The following TMIGD2 variants were observed in gnomAD, a reference collection of about 807,000 sequenced individuals.
TMIGD2 encodes the protein transmembrane and immunoglobulin domain-containing protein 2.
TMIGD2 carries 18 observed loss-of-function variants against 22.6 expected under a neutral mutation model. That is an observed-to-expected ratio of 0.80 (90% CI 0.55 to 1.18). The LOEUF (loss-of-function observed/expected upper bound fraction) is 1.18, where lower values mean the gene tolerates loss of function less well. Among genes scored for constraint, TMIGD2 ranks in the 50% most tolerant of loss-of-function variants. The probability of loss-of-function intolerance (pLI) is 0.00; values close to 1 mark genes in which losing one functional copy is unlikely to be tolerated. For missense variants in TMIGD2, 361 were observed against 378.2 expected, an observed-to-expected ratio of 0.95 and a Z score of 0.38; for synonymous variants, 184 against 154.1, an observed-to-expected ratio of 1.19 and a Z score of -1.44.
chr19:4,294,288 C>T (rs1971427401), intron 4 of TMIGD2, among the ~76,000 whole-genome samples: 1 of 152,096 alleles, frequency 6.6e-6, no homozygotes. Context: ...AGGCTGACCT[C>T]AGGTGATTCG....
exon 4 of TMIGD2, chr19:4,294,670 G>C: frequency 6.3e-7 from 1 of 1,592,238 alleles, no homozygotes; most frequent in Non-Finnish European, 8.6e-7. Flanking sequence ...CCAGCAGCAC[G>C]AAGAGGAATC....
intron 1 of TMIGD2, among the ~76,000 whole-genome samples, chr19:4,301,158 A>C (rs1479917415): frequency 6.6e-6 from 1 of 152,048 alleles, no homozygotes; most frequent in African/African-American, 2.4e-5. Context: ...TTTTTGGTAG[A>C]GATGGGGTTT....
rs188636624 is a variant in TMIGD2 at position 4,297,018 on chromosome 19, C to T, written c.406+968G>A. Among the ~76,000 whole-genome samples the T allele has an allele frequency of 3.5e-3, 527 of 148,836 alleles. 2 individuals carry two copies. Among genetic ancestry groups the T allele is most frequent in the African/African-American group, 0.012 (500 of 40,618 alleles). On this transcript the variant is annotated intron_variant, in intron 2 of 4. Transcript: ENST00000301272. ...CTCATCTGTAAAGTGAGGCAGCTGG[C>T]GTTGCTGACCTGGAAAGCTATCTGG...
At chr19:4,292,771 A>T (rs762255636) in exon 5 of TMIGD2, 1 of 1,610,790 alleles carries the variant, frequency 6.2e-7, no homozygotes, top group East Asian at 2.2e-5. Context: ...CGGTTGCGGG[A>T]AGGAGGTTGA....
chr19:4,295,539 G>A (rs916521189), intron 2 of TMIGD2, among the ~76,000 whole-genome samples: 3 of 151,726 alleles, frequency 2.0e-5, no homozygotes, highest in East Asian at 1.9e-4. Context: ...CAGCCTGGGC[G>A]ACAGAGCGAG....
At position 4,293,260 on chromosome 19, in the gene TMIGD2, CT is replaced by C. The variant is rs150388447; in HGVS notation, c.563-376del. ...ACAGGCGTGAGCCACCGCGCCCGGC[CT>C]TTTTTTTTTTTTTTTTGAGACAGTC... On this transcript the variant is annotated intron_variant, in intron 4 of 4. Coordinates refer to ENST00000301272, the Ensembl canonical transcript of TMIGD2. Among the ~76,000 whole-genome samples the C allele has an allele frequency of 2.4e-3, 267 of 112,396 alleles. 1 individual carries two copies. The highest frequency in any genetic ancestry group is 6.7e-3 in the Middle Eastern group (1 of 150). 73.7% of individuals were successfully genotyped at this position (112,396 alleles called of 152,430 possible).
chr19:4,294,926 T>C, intron 2 of TMIGD2, 110 bp from the exon 3 acceptor site: 1 of 1,167,128 alleles, frequency 8.6e-7, no homozygotes, highest in Non-Finnish European at 1.2e-6. Context: ...CTTTGTGGAT[T>C]TGGGCAAGTG....
At chr19:4,293,409 C>T (rs57565734) in intron 4 of TMIGD2, among the ~76,000 whole-genome samples, 5 of 150,036 alleles carry the variant, frequency 3.3e-5, no homozygotes, top group South Asian at 2.1e-4. Context: ...TACAAGCCCC[C>T]GCTACTACGT....
chr19:4,292,955 G>GA, intron 4 of TMIGD2, 70 bp from the exon 5 acceptor site: 21 of 1,560,364 alleles, frequency 1.3e-5, no homozygotes, highest in Non-Finnish European at 1.7e-5. Flanking sequence ...ACCTCTGGGG[G>GA]ATCTGTCTCT....
intron 3 of TMIGD2, 31 bp downstream of exon 3, chr19:4,294,744 C>T (rs755399980): frequency 1.9e-5 from 30 of 1,576,258 alleles, no homozygotes; most frequent in Non-Finnish European, 2.3e-5. Context: ...GGGTGGAAGA[C>T]GCTGGGGGAG....
intron 4 of TMIGD2, among the ~76,000 whole-genome samples, 180 bp from the exon 5 acceptor site, chr19:4,293,065 G>A (rs10422247): frequency 0.012 from 1,855 of 151,652 alleles, 38 homozygotes; most frequent in African/African-American, 0.043. Flanking sequence ...CTGGGTTCAC[G>A]CCATTCTCCT....
exon 5 of TMIGD2, chr19:4,292,497 A>G (rs1231289726): frequency 8.0e-7 from 1 of 1,249,612 alleles, no homozygotes; most frequent in African/African-American, 1.5e-5. Flanking sequence ...TCGGCTTCCC[A>G]AACTGCTGGG....
At chr19:4,298,281 G>C in exon 2 of TMIGD2, 1 of 1,609,034 alleles carries the variant, frequency 6.2e-7, no homozygotes, top group Non-Finnish European at 8.5e-7. Context: ...TCGCCTGACT[G>C]CCCTGCCTCA....
At chr19:4,299,754 C>T (rs981667987) in intron 1 of TMIGD2, among the ~76,000 whole-genome samples, 19 of 151,750 alleles carry the variant, frequency 1.3e-4, no homozygotes, top group Admixed American at 5.9e-4. Context: ...AGTGTGGTGG[C>T]GGGCTCCTGG....
intron 2 of TMIGD2, among the ~76,000 whole-genome samples, chr19:4,297,255 A>G (rs1475723571): frequency 1.3e-5 from 2 of 151,528 alleles, no homozygotes; most frequent in Non-Finnish European, 2.9e-5. Flanking sequence ...TTTAGTAGAG[A>G]GGGGGTTTTC....
chr19:4,294,634 C>A (rs370832048), exon 4 of TMIGD2: 1 of 1,606,694 alleles, frequency 6.2e-7, no homozygotes, highest in Non-Finnish European at 8.5e-7. Context: ...CCCACACGAT[C>A]GCAGCCACAC....
At position 4,292,700 on chromosome 19, in the gene TMIGD2, G is replaced by C. The variant is rs757792926; in HGVS notation, c.748C>G (p.Pro250Ala). 4 of 1,603,874 alleles carry C rather than the reference G, an allele frequency of 2.5e-6. No individual in the cohort carries two copies. Among genetic ancestry groups the C allele is most frequent in the Non-Finnish European group, 3.4e-6 (4 of 1,176,022 alleles). The change falls in exon 5 of 5, where the codon CCC becomes GCC. Residue 250 changes from proline (P) to alanine (A), a missense_variant. Physicochemically the swap from Pro to Ala is conservative, Grantham distance 27. Coordinates refer to ENST00000301272, the Ensembl canonical transcript of TMIGD2. ...ATAGAGACGGGGTGGCCGGGCCTGG[G>C]GCTGGGGCAGGGTCTCGGGCTGGGG...
At chr19:4,299,329 G>T (rs1476793085) in intron 1 of TMIGD2, among the ~76,000 whole-genome samples, 1 of 151,858 alleles carries the variant, frequency 6.6e-6, no homozygotes, top group Non-Finnish European at 1.5e-5. Context: ...TGGTTTTGTA[G>T]AGATTGGGGT....
At chr19:4,298,646 G>A (rs1233321471) in intron 1 of TMIGD2, among the ~76,000 whole-genome samples, 3 of 152,088 alleles carry the variant, frequency 2.0e-5, no homozygotes, top group Non-Finnish European at 2.9e-5. Context: ...CTAAGTGAAG[G>A]GATCGCTTGA....
Sources: allele counts gnomAD v4.1 joint callset (sites outside exome capture counted in the v4.1 genomes callset), GRCh38; gene constraint gnomAD v4.1.1; transcripts MANE v1.5; gene names NCBI Gene and HGNC (gene_info 2026-07-23, HGNC 2026-07-21).